The following ZBTB20 variants were observed in gnomAD, a reference collection of about 807,000 sequenced individuals.
ZBTB20 encodes the protein zinc finger and BTB domain containing 20, also known as zinc finger and BTB domain-containing protein 20.
ZBTB20 carries 9 observed loss-of-function variants against 56.9 expected under a neutral mutation model. The ratio of observed to expected loss-of-function variants is 0.16; its 90% CI spans 0.10 to 0.28. ZBTB20 has a LOEUF of 0.28. Ranked by LOEUF, ZBTB20 falls within the 10% of genes least tolerant of loss-of-function variation. The probability of loss-of-function intolerance (pLI) is 1.00; values close to 1 mark genes in which losing one functional copy is unlikely to be tolerated. For synonymous variants in ZBTB20, 417 were observed against 420.7 expected (o/e 0.99, Z 0.11); for missense variants, 655 against 1,003.0 (o/e 0.65, Z 4.69).
chr3:114,560,651 G>T (rs2051902246), intron 6 of ZBTB20, among the ~76,000 whole-genome samples: 1 of 152,154 alleles, frequency 6.6e-6, no homozygotes, highest in East Asian at 1.9e-4. Flanking sequence ...CTTTATTGCT[G>T]AAAAGTGCTC....
intron 7 of ZBTB20, chr3:114,445,792 A>G (rs1317102458): frequency 6.6e-6 from 1 of 152,178 alleles, no homozygotes; most frequent in Non-Finnish European, 1.5e-5. Context: ...CATTAAAGCA[A>G]TAAGTATAAA....
chr3:114,487,099 G>GTA (rs1370014670), intron 7 of ZBTB20, among the ~76,000 whole-genome samples: 1 of 152,166 alleles, frequency 6.6e-6, no homozygotes, highest in Non-Finnish European at 1.5e-5. Flanking sequence ...ATATATATAT[G>GTA]TATATATAAC....
intron 1 of ZBTB20, among the ~76,000 whole-genome samples, chr3:115,077,511 G>A (rs1229358782): frequency 4.6e-5 from 7 of 152,168 alleles, no homozygotes; most frequent in East Asian, 1.9e-4. Context: ...CCAGAACTAC[G>A]AGTAATAAAT....
At chr3:115,141,839 C>A (rs763814595) in intron 1 of ZBTB20, among the ~76,000 whole-genome samples, 1 of 152,150 alleles carries the variant, frequency 6.6e-6, no homozygotes, top group Non-Finnish European at 1.5e-5. Context: ...ACTTACCTTA[C>A]AAATATGAAT....
chr3:115,058,273 C>T (rs2081885561), intron 2 of ZBTB20, among the ~76,000 whole-genome samples: 1 of 152,154 alleles, frequency 6.6e-6, no homozygotes, highest in Admixed American at 6.5e-5. Flanking sequence ...TCCTCCTGTA[C>T]ATAATGCCTC....
At chr3:114,460,243 T>C (rs1357666685) in intron 7 of ZBTB20, among the ~76,000 whole-genome samples, 2 of 152,154 alleles carry the variant, frequency 1.3e-5, no homozygotes, top group Non-Finnish European at 2.9e-5. Context: ...ATATTCCTAA[T>C]GTAGTCTGAT....
intron 10 of ZBTB20, among the ~76,000 whole-genome samples, chr3:114,363,579 A>C (rs2082095600): frequency 6.6e-6 from 1 of 152,186 alleles, no homozygotes; most frequent in African/African-American, 2.4e-5. Flanking sequence ...CTGTTATCCC[A>C]CCTGTAAAAC....
At chr3:114,682,426 T>C (rs2062033716) in intron 6 of ZBTB20, among the ~76,000 whole-genome samples, 2 of 152,148 alleles carry the variant, frequency 1.3e-5, no homozygotes, top group Admixed American at 6.5e-5. Context: ...TTTGAGATCA[T>C]AATACTGAGG....
At chr3:115,091,189 C>A (rs1191833178) in intron 1 of ZBTB20, among the ~76,000 whole-genome samples, 1 of 151,974 alleles carries the variant, frequency 6.6e-6, no homozygotes, top group Non-Finnish European at 1.5e-5. Flanking sequence ...ACTTGCAATT[C>A]ATTCCCCTAT....
chr3:114,811,379 T>G (rs1334730003), intron 4 of ZBTB20, among the ~76,000 whole-genome samples: 2 of 152,196 alleles, frequency 1.3e-5, no homozygotes, highest in Non-Finnish European at 2.9e-5. Flanking sequence ...TACATGATGA[T>G]CCACAATAAA....
At chr3:114,951,961 C>T (rs1051980305) in intron 3 of ZBTB20, among the ~76,000 whole-genome samples, 2 of 151,788 alleles carry the variant, frequency 1.3e-5, no homozygotes, top group African/African-American at 2.4e-5. Flanking sequence ...TGGATGGTTT[C>T]CAACAAAATA....
chr3:114,464,016 AT>A (rs1373474023), intron 7 of ZBTB20, among the ~76,000 whole-genome samples: 1 of 152,202 alleles, frequency 6.6e-6, no homozygotes, highest in East Asian at 1.9e-4. Flanking sequence ...TGTGCATACA[AT>A]TCTACCTTTT....
At chr3:114,963,757 T>C (rs1442906420) in intron 3 of ZBTB20, among the ~76,000 whole-genome samples, 2 of 152,074 alleles carry the variant, frequency 1.3e-5, no homozygotes, top group African/African-American at 4.8e-5. Context: ...TTTTTTGCCT[T>C]GAAAATGTCT....
intron 6 of ZBTB20, among the ~76,000 whole-genome samples, chr3:114,618,203 C>G (rs1308657777): frequency 6.7e-6 from 1 of 148,234 alleles, no homozygotes; most frequent in African/African-American, 2.5e-5. Flanking sequence ...TGAATAATAA[C>G]TGACACAGAG....
chr3:114,643,203 C>T (rs980112336), intron 6 of ZBTB20, among the ~76,000 whole-genome samples: 7 of 152,106 alleles, frequency 4.6e-5, no homozygotes, highest in African/African-American at 1.7e-4. Context: ...TAAACTATTA[C>T]ATGAAAACAT....
intron 6 of ZBTB20, among the ~76,000 whole-genome samples, chr3:114,670,139 T>C (rs2061283353): frequency 6.6e-6 from 1 of 152,084 alleles, no homozygotes; most frequent in African/African-American, 2.4e-5. Context: ...ATAAGAGCAT[T>C]TGGATACTAC....
At chr3:114,502,934 C>T (rs1042027469) in intron 6 of ZBTB20, 2 of 152,062 alleles carry the variant, frequency 1.3e-5, no homozygotes, top group Admixed American at 6.6e-5. Flanking sequence ...TTTTCTGTTG[C>T]ATGTTATAAA....
At chr3:115,028,351 G>A (rs1359634463) in intron 2 of ZBTB20, among the ~76,000 whole-genome samples, 1 of 150,730 alleles carries the variant, frequency 6.6e-6, no homozygotes, top group African/African-American at 2.4e-5. Context: ...AGGACTGGAT[G>A]CAAGTGTAAA....
intron 2 of ZBTB20, among the ~76,000 whole-genome samples, chr3:115,064,443 C>CTTTTT (rs34098178): frequency 2.3e-3 from 180 of 78,048 alleles, no homozygotes; most frequent in East Asian, 3.5e-3. Context: ...TCTCATAATT[C>CTTTTT]TTTTTTTTTT....
Sources: gnomAD v4.1 joint callset for allele counts (sites outside exome capture counted in the v4.1 genomes callset) on GRCh38, gnomAD v4.1.1 for gene constraint, MANE v1.5 for transcripts, NCBI Gene and HGNC (gene_info 2026-07-23, HGNC 2026-07-21) for gene names.